Variants in BMPER observed in about 807,000 individuals in gnomAD.
BMPER encodes the protein BMP binding endothelial regulator, also known as BMP-binding endothelial regulator protein.
BMPER carries 45 observed loss-of-function variants against 87.3 expected under a neutral mutation model. The ratio of observed to expected loss-of-function variants is 0.52; its 90% CI spans 0.41 to 0.66. BMPER has a LOEUF of 0.66. Ranked by LOEUF, BMPER falls within the 30% of genes least tolerant of loss-of-function variation. BMPER has a pLI of 0.00. For synonymous variants in BMPER, 326 were observed against 316.2 expected (o/e 1.03, Z -0.33); for missense variants, 784 against 867.5 (o/e 0.90, Z 1.21).
At chr7:33,940,251 G>A (rs1328060752) in intron 3 of BMPER, among the ~76,000 whole-genome samples, 1 of 152,076 alleles carries the variant, frequency 6.6e-6, no homozygotes, top group African/African-American at 2.4e-5. Context: ...TAACATTAGG[G>A]CATAACATCT....
At chr7:34,109,311 T>A (rs757636624) in intron 13 of BMPER, among the ~76,000 whole-genome samples, 3 of 152,302 alleles carry the variant, frequency 2.0e-5, no homozygotes, top group South Asian at 2.1e-4. Flanking sequence ...GAGGGTCAGC[T>A]TTTTTGTCTT....
At chr7:33,937,659 A>G (rs1299931103) in intron 3 of BMPER, 2 of 465,888 alleles carry the variant, frequency 4.3e-6, no homozygotes, top group Non-Finnish European at 8.0e-6. Flanking sequence ...GGTTGTTAAA[A>G]TGTCGTAGAG....
intron 13 of BMPER, among the ~76,000 whole-genome samples, chr7:34,124,369 T>G (rs1790344096): frequency 6.6e-6 from 1 of 152,150 alleles, no homozygotes; most frequent in Non-Finnish European, 1.5e-5. Flanking sequence ...AAATAAAGTC[T>G]GTTACCTTAG....
chr7:34,032,297 T>C (rs1787549719), intron 6 of BMPER, among the ~76,000 whole-genome samples: 1 of 152,070 alleles, frequency 6.6e-6, no homozygotes, highest in Admixed American at 6.6e-5. Flanking sequence ...ATTTAGAATC[T>C]GGAACGATTT....
At chr7:34,117,253 C>T (rs2127988054) in intron 13 of BMPER, among the ~76,000 whole-genome samples, 1 of 152,216 alleles carries the variant, frequency 6.6e-6, no homozygotes, top group African/African-American at 2.4e-5. Context: ...GGGAAGCTAC[C>T]TCAGAAACTT....
chr7:33,908,960 C>T (rs1783885885), intron 2 of BMPER, among the ~76,000 whole-genome samples: 1 of 152,158 alleles, frequency 6.6e-6, no homozygotes, highest in African/African-American at 2.4e-5. Context: ...TCCACGAACC[C>T]ACTGCAGTTC....
intron 3 of BMPER, among the ~76,000 whole-genome samples, chr7:33,941,813 G>T (rs1784774724): frequency 6.6e-6 from 1 of 152,178 alleles, no homozygotes; most frequent in Non-Finnish European, 1.5e-5. Flanking sequence ...GTACAGACCA[G>T]TACAGGTCCG....
chr7:33,927,681 C>T (rs1269205913), intron 2 of BMPER, among the ~76,000 whole-genome samples: 1 of 151,918 alleles, frequency 6.6e-6, no homozygotes, highest in African/African-American at 2.4e-5. Flanking sequence ...AACTCTTTAC[C>T]CCCACTCCCC....
At chr7:33,974,878 C>T (rs765163985) in intron 6 of BMPER, 94 bp downstream of exon 6, 98 of 1,240,896 alleles carry the variant, frequency 7.9e-5, no homozygotes, top group South Asian at 4.6e-4. Flanking sequence ...GCCTCTCTCT[C>T]GTCTCCTCTC....
intron 5 of BMPER, among the ~76,000 whole-genome samples, chr7:33,974,387 C>T (rs1785626606): frequency 6.6e-6 from 1 of 152,092 alleles, no homozygotes; most frequent in African/African-American, 2.4e-5. Flanking sequence ...GGTTTGGTCC[C>T]TCTGGCAGTG....
At chr7:34,150,271 T>C (rs745694364) in intron 14 of BMPER, among the ~76,000 whole-genome samples, 1 of 152,202 alleles carries the variant, frequency 6.6e-6, no homozygotes, top group Non-Finnish European at 1.5e-5. Context: ...GAAGCATGAA[T>C]GTAGGGTTTG....
intron 6 of BMPER, among the ~76,000 whole-genome samples, chr7:34,038,747 C>T (rs1244239343): frequency 3.9e-5 from 6 of 152,070 alleles, no homozygotes; most frequent in Non-Finnish European, 8.8e-5. Context: ...TCTTTGTTTG[C>T]TATTTTTATG....
At chr7:33,957,437 G>T (rs1785173938) in intron 3 of BMPER, among the ~76,000 whole-genome samples, 1 of 151,322 alleles carries the variant, frequency 6.6e-6, no homozygotes, top group African/African-American at 2.4e-5. Flanking sequence ...GATTGCCAGG[G>T]ATTAGAGACA....
intron 2 of BMPER, among the ~76,000 whole-genome samples, chr7:33,917,173 T>C (rs1784105548): frequency 6.6e-6 from 1 of 152,092 alleles, no homozygotes; most frequent in Non-Finnish European, 1.5e-5. Flanking sequence ...TTTCAAAAAG[T>C]CACAATGAAA....
intron 4 of BMPER, among the ~76,000 whole-genome samples, chr7:33,967,133 G>A (rs564086381): frequency 1.2e-4 from 18 of 152,212 alleles, no homozygotes; most frequent in Admixed American, 1.1e-3. Flanking sequence ...CCCATCAGGT[G>A]TTAAACACAG....
rs893008912 is a variant in BMPER, at chr7:34,079,144, A to G, written c.1366A>G (p.Ile456Val). ...ALPCRAPHFH[I>V]DLDGYLLKVT... is the part of the protein sequence containing the mutation. ...CCCCTGCCGCGCGCCACACTTCCAC[A>G]TCGACCTGGATGGCTACCTCTTGAA... is the stretch of plus-strand genomic sequence containing the variant. Residue 456 changes from isoleucine to valine, a missense_variant, in exon 12 of 15, where the codon ATC becomes GTC. Physicochemically the swap from Ile to Val is conservative, Grantham distance 29 (BLOSUM62 3). Coordinates refer to ENST00000649409, the MANE Select transcript of BMPER (RefSeq NM_001365308.1). 1 of 1,613,924 alleles carries G rather than the reference A, an allele frequency of 6.2e-7. No homozygotes were observed. The highest frequency in any genetic ancestry group is 8.5e-7 in the Non-Finnish European group (1 of 1,179,996).
At position 34,086,038 on chromosome 7, in the gene BMPER, A is replaced by G; in HGVS notation, c.1691A>G (p.Lys564Arg). The change falls in exon 13 of 15, where the codon AAA becomes AGA. Residue 564 changes from lysine (K) to arginine (R), a missense_variant. By Grantham distance (26) the Lys-to-Arg change is conservative (BLOSUM62 2). Coordinates refer to ENST00000649409, the MANE Select transcript of BMPER (RefSeq NM_001365308.1). ...LRAHRECQKL[K>R]SWEFQTCHST... ...GCCCATCGAGAATGCCAAAAGCTCA[A>G]ATCCTGGGAGTTTCAGACCTGCCAC... 1 of 1,614,064 alleles carries G rather than the reference A, an allele frequency of 6.2e-7. No individual in the cohort carries two copies. The highest frequency in any genetic ancestry group is 8.5e-7 in the Non-Finnish European group (1 of 1,180,014).
At chr7:34,131,563 G>A in intron 13 of BMPER, among the ~76,000 whole-genome samples, 1 of 152,204 alleles carries the variant, frequency 6.6e-6, no homozygotes, top group African/African-American at 2.4e-5. Context: ...CCTATGGAAG[G>A]ATCGGCCCCT....
At position 34,034,803 on chromosome 7, in the gene BMPER, T is replaced by C. The variant is rs547190743; in HGVS notation, c.577-11503T>C. Among the ~76,000 whole-genome samples the C allele has an allele frequency of 3.3e-5, 5 of 152,320 alleles. No homozygotes were observed. In the South Asian group the frequency reaches 1.0e-3, roughly 32 times the overall value. On this transcript the variant is annotated intron_variant, in intron 6 of 14. Transcript: ENST00000649409. The stretch of plus-strand genomic sequence containing the variant: ...GATGTGAGTGACAGATGCCAAGTTA[T>C]GTTGGTGATAGCATGTTCCTTCTGT...
Sources: gnomAD v4.1 joint callset for allele counts (sites outside exome capture counted in the v4.1 genomes callset) on GRCh38, gnomAD v4.1.1 for gene constraint, MANE v1.5 for transcripts, NCBI Gene and HGNC (gene_info 2026-07-23, HGNC 2026-07-21) for gene names.